Variants in PPP2R2C observed in about 807,000 individuals in gnomAD.
PPP2R2C encodes the protein protein phosphatase 2, regulatory subunit B, gamma.
A neutral mutation model predicts 45.3 loss-of-function variants in PPP2R2C; 10 were observed. The observed-to-expected ratio is 0.22, with a 90% confidence interval of 0.14 to 0.37. PPP2R2C has a LOEUF of 0.37. Ranked by LOEUF, PPP2R2C falls within the 10% of genes least tolerant of loss-of-function variation. The pLI is 1.00. For missense variants in PPP2R2C, 308 were observed against 619.7 expected, an observed-to-expected ratio of 0.50 and a Z score of 5.34; for synonymous variants, 257 against 245.4, an observed-to-expected ratio of 1.05 and a Z score of -0.44.
At chr4:6,372,078 T>C (rs1213548168) in intron 5 of PPP2R2C, among the ~76,000 whole-genome samples, 1 of 152,224 alleles carries the variant, frequency 6.6e-6, no homozygotes, top group Non-Finnish European at 1.5e-5. Flanking sequence ...ACACCCTGGT[T>C]GTCACCCGAA....
At chr4:6,520,680 G>A (rs890974668) in intron 2 of PPP2R2C, among the ~76,000 whole-genome samples, 3 of 152,204 alleles carry the variant, frequency 2.0e-5, no homozygotes, top group African/African-American at 7.2e-5. Flanking sequence ...TTGGAGACAG[G>A]ATGCCATGCA....
At chr4:6,372,866 C>T (rs949464987) in intron 4 of PPP2R2C, among the ~76,000 whole-genome samples, 166 bp from the exon 5 acceptor site, 5 of 152,198 alleles carry the variant, frequency 3.3e-5, no homozygotes, top group African/African-American at 7.2e-5. Flanking sequence ...AAATGCCCGC[C>T]GCCCACCAGC....
chr4:6,437,578 A>G (rs1719953554), intron 1 of PPP2R2C, among the ~76,000 whole-genome samples: 1 of 152,192 alleles, frequency 6.6e-6, no homozygotes, highest in African/African-American at 2.4e-5. Flanking sequence ...ACTGAGCTTA[A>G]TCTAGGTAGA....
intron 6 of PPP2R2C, among the ~76,000 whole-genome samples, chr4:6,338,433 C>T (rs1213425121): frequency 6.6e-6 from 1 of 152,300 alleles, no homozygotes; most frequent in Middle Eastern, 3.4e-3. Flanking sequence ...GTGGAGGGGA[C>T]CTGGGGAGCC....
At chr4:6,360,978 C>A (rs1713678559) in intron 5 of PPP2R2C, among the ~76,000 whole-genome samples, 1 of 152,156 alleles carries the variant, frequency 6.6e-6, no homozygotes, top group African/African-American at 2.4e-5. Flanking sequence ...ATAAGAACAC[C>A]AGTCAGATTG....
chr4:6,478,061 C>T (rs1208276459), intron 2 of PPP2R2C, among the ~76,000 whole-genome samples: 1 of 152,236 alleles, frequency 6.6e-6, no homozygotes, highest in African/African-American at 2.4e-5. Flanking sequence ...AGCCAACTCC[C>T]TGTGTGCCCC....
Position 6,372,593 on chromosome 4 carries a change from G to A in PPP2R2C, c.555C>T (p.Cys185=), listed in dbSNP as rs142509881. Reference sequence around the variant, plus strand: ...GGTCATCCGCCGACATGTAGGTCTCGCAGTCACTGTTGACGGAGATGGAGT... The same window carrying A: ...GGTCATCCGCCGACATGTAGGTCTCACAGTCACTGTTGACGGAGATGGAGT... ...HINSISVNSD[C]ETYMSADDLR... Residue 185 remains cysteine (C), a synonymous_variant, in exon 5 of 9, where the codon TGC becomes TGT. Coordinates refer to ENST00000382599, the MANE Select transcript of PPP2R2C (RefSeq NM_020416.4). The A allele has an allele frequency of 9.3e-6, 15 of 1,614,078 alleles. No individual in the cohort carries two copies. The highest frequency in any genetic ancestry group is 6.7e-5 in the African/African-American group (5 of 74,928).
chr4:6,360,188 T>C (rs1054989599), intron 5 of PPP2R2C, among the ~76,000 whole-genome samples: 3 of 152,214 alleles, frequency 2.0e-5, no homozygotes, highest in African/African-American at 7.2e-5. Context: ...GGGCAGTGAT[T>C]TGCCCAGGGC....
intron 2 of PPP2R2C, among the ~76,000 whole-genome samples, chr4:6,379,590 C>A (rs1373144501): frequency 6.6e-6 from 1 of 152,224 alleles, no homozygotes. Context: ...TCGCATCAAC[C>A]AATCCGATCT....
chr4:6,381,423 C>T (rs1414549246), intron 1 of PPP2R2C: 2 of 1,403,352 alleles, frequency 1.4e-6, no homozygotes, highest in Non-Finnish European at 1.9e-6. Context: ...CTGGATGTGG[C>T]CTCATCCTCC....
chr4:6,340,669 C>T (rs1045750044), intron 6 of PPP2R2C, among the ~76,000 whole-genome samples: 4 of 152,242 alleles, frequency 2.6e-5, no homozygotes, highest in Non-Finnish European at 4.4e-5. Flanking sequence ...CACGCTAGCC[C>T]CCAGCCAGCC....
chr4:6,442,978 G>A (rs1240211355), intron 1 of PPP2R2C, among the ~76,000 whole-genome samples: 1 of 152,212 alleles, frequency 6.6e-6, no homozygotes, highest in Non-Finnish European at 1.5e-5. Flanking sequence ...TGGAGATCTT[G>A]CGTGACTTTC....
intron 2 of PPP2R2C, among the ~76,000 whole-genome samples, chr4:6,506,239 C>T (rs1723226030): frequency 6.6e-6 from 1 of 152,134 alleles, no homozygotes; most frequent in Non-Finnish European, 1.5e-5. Flanking sequence ...GTGATAAAAA[C>T]TTCCAATATC....
chr4:6,394,727 C>T (rs1704335366), intron 1 of PPP2R2C, among the ~76,000 whole-genome samples: 1 of 152,260 alleles, frequency 6.6e-6, no homozygotes, highest in African/African-American at 2.4e-5. Context: ...CTTCTGTGCT[C>T]CCAGCACCTG....
intron 1 of PPP2R2C, among the ~76,000 whole-genome samples, chr4:6,458,722 G>A (rs575699512): frequency 6.7e-5 from 10 of 150,204 alleles, no homozygotes; most frequent in African/African-American, 2.4e-4. Flanking sequence ...AGCTGGCAGG[G>A]TGCAGCGGAA....
chr4:6,350,390 G>C, intron 5 of PPP2R2C: 1 of 985,436 alleles, frequency 1.0e-6, no homozygotes, highest in African/African-American at 1.7e-5. Context: ...ACATTAGTGC[G>C]ACGGCCCATG....
At chr4:6,388,057 C>A (rs1485326095) in intron 1 of PPP2R2C, among the ~76,000 whole-genome samples, 1 of 152,202 alleles carries the variant, frequency 6.6e-6, no homozygotes, top group Non-Finnish European at 1.5e-5. Context: ...GAGCTCAGGG[C>A]CCCAGATCAG....
In PPP2R2C at chr4:6,374,234, C is replaced by A. The variant is rs544314262; in HGVS notation, c.448-1534G>T. Among the ~76,000 whole-genome samples the A allele has an allele frequency of 4.4e-3, 665 of 152,318 alleles. 6 individuals are homozygous for A. The highest frequency in any genetic ancestry group is 0.013 in the African/African-American group (541 of 41,570). On this transcript the variant is annotated intron_variant, in intron 4 of 8. Transcript: ENST00000382599. Reference sequence around the variant, plus strand: ...AAGTCTTGGCATCTCAGTCCACCTCCTGCTTCCTTCCGGCAACATTGCTTT... The same window carrying A: ...AAGTCTTGGCATCTCAGTCCACCTCATGCTTCCTTCCGGCAACATTGCTTT...
chr4:6,492,589 T>A lies in PPP2R2C; in HGVS notation c.49+42682A>T, dbSNP rs75020917. ...ATCCCTGGAGAACTACTGCTGTTTT[T>A]TAGAGATCAGTTCTGGAGCCCTCTG... On this transcript the variant is annotated intron_variant, in intron 2 of 9. Coordinates refer to the PPP2R2C transcript ENST00000506140. Among the ~76,000 whole-genome samples the A allele has an allele frequency of 4.9e-3, 739 of 152,288 alleles. 4 individuals carry two copies. The highest frequency in any genetic ancestry group is 0.017 in the African/African-American group (687 of 41,552).
Sources: allele counts gnomAD v4.1 joint callset (sites outside exome capture counted in the v4.1 genomes callset), GRCh38; gene constraint gnomAD v4.1.1; transcripts MANE v1.5; gene names NCBI Gene and HGNC (gene_info 2026-07-23, HGNC 2026-07-21).